The following SYNE1 variants were observed in gnomAD, a reference collection of about 807,000 sequenced individuals.
The protein encoded by SYNE1 is nesprin-1.
Under a neutral mutation model 1,111.0 loss-of-function variants are expected in SYNE1, and 616 were observed. The observed-to-expected ratio is 0.55, with a 90% CI of 0.52 to 0.59. The LOEUF (loss-of-function observed/expected upper bound fraction) is 0.59, where lower values mean the gene tolerates loss of function less well. Ranked by LOEUF, SYNE1 falls within the 20% of genes least tolerant of loss-of-function variation. The pLI is 0.00. For missense variants in SYNE1, 10,006 were observed against 10,417.0 expected, an observed-to-expected ratio of 0.96 and a Z score of 1.72; for synonymous variants, 3,855 against 3,825.8, an observed-to-expected ratio of 1.01 and a Z score of -0.28.
intron 56 of SYNE1, among the ~76,000 whole-genome samples, chr6:152,379,123 T>G (rs2097349111): frequency 6.6e-6 from 1 of 152,210 alleles, no homozygotes; most frequent in Admixed American, 6.5e-5. Context: ...AGTCAGTTAC[T>G]TATGAATGGG....
Position 152,189,394 on chromosome 6 carries a change from G to T in SYNE1, c.23159C>A (p.Ala7720Glu). 6.2e-7 allele frequency: 1 copy of T among 1,613,892 alleles called. No homozygotes were observed. ...EQMRCKELEN[A>E]VGSWTDDLTQ... ...CAAGTCATCTGTCCAGCTCCCAACT[G>T]CATTTTCTAATTCCTAAATAAAAAA... Residue 7720 changes from alanine (A) to glutamate (E), a missense_variant, in exon 128 of 146, where the codon GCA (alanine) becomes GAA (glutamate). By Grantham distance (107) the Ala-to-Glu change is moderately radical. Coordinates refer to ENST00000367255, the MANE Select transcript of SYNE1 (RefSeq NM_182961.4).
At chr6:152,600,874 C>G (rs147850477) in intron 3 of SYNE1, among the ~76,000 whole-genome samples, 1 of 152,142 alleles carries the variant, frequency 6.6e-6, no homozygotes, top group Non-Finnish European at 1.5e-5. Context: ...AAAACTCTTA[C>G]TTAAATGAAA....
intron 111 of SYNE1, 39 bp from the exon 112 acceptor site, chr6:152,234,002 C>G (rs1429653983): frequency 1.2e-6 from 2 of 1,603,528 alleles, no homozygotes; most frequent in South Asian, 1.1e-5. Context: ...GGTTAAATAG[C>G]TAGACCATTC....
At chr6:152,431,344 G>A (rs1479069094) in intron 34 of SYNE1, among the ~76,000 whole-genome samples, 1 of 152,174 alleles carries the variant, frequency 6.6e-6, no homozygotes, top group Admixed American at 6.6e-5. Flanking sequence ...ATCTCCAGCT[G>A]ATGCTGAGGC....
rs1030698096 is a variant in SYNE1 at position 152,369,510 on chromosome 6, A to G, written c.9612T>C (p.Tyr3204=). 1.2e-6 allele frequency: 2 copies of G among 1,614,184 alleles called. No individual in the cohort carries two copies. Among genetic ancestry groups the G allele is most frequent in the Admixed American group, 1.7e-5 (1 of 60,014 alleles). The change falls in exon 60 of 146, where the codon TAT becomes TAC. Residue 3204 remains tyrosine, a synonymous_variant. Transcript: ENST00000367255. ...GCTCCCTCCTCTTTGCTGGCAGATCATAGAGGCGATTGCTGCTTTCATGGA... is the reference window on the plus strand; with the variant it reads ...GCTCCCTCCTCTTTGCTGGCAGATCGTAGAGGCGATTGCTGCTTTCATGGA... The part of the protein sequence containing the change: ...KMVHESSNRL[Y]DLPAKRREQQ...
rs553706503 is a variant in SYNE1 at position 152,246,320 on chromosome 6, G to A, written c.19573-1664C>T. On this transcript the variant is annotated intron_variant, in intron 105 of 145. Transcript: ENST00000367255. ...AAGCTGGAGGAAAACAGATTATACA[G>A]GAAAAGTAGAACTTTAAACAACAAA... Among the ~76,000 whole-genome samples the A allele has an allele frequency of 9.9e-5, 15 of 151,428 alleles. No homozygotes were observed. The South Asian group carries it at 1.5e-3, about 15-fold the overall frequency.
intron 6 of SYNE1, among the ~76,000 whole-genome samples, chr6:152,519,047 C>G (rs1034425632): frequency 6.6e-6 from 1 of 151,736 alleles, no homozygotes; most frequent in African/African-American, 2.4e-5. Flanking sequence ...AAATGACAAG[C>G]TAATGGGTGC....
intron 3 of SYNE1, among the ~76,000 whole-genome samples, chr6:152,606,385 C>A (rs1328945668): frequency 1.3e-5 from 2 of 152,122 alleles, no homozygotes; most frequent in East Asian, 3.9e-4. Flanking sequence ...TCTTCAAGGG[C>A]AAAATTGTGG....
At chr6:152,361,539 G>C (rs974044221) in intron 64 of SYNE1, among the ~76,000 whole-genome samples, 10 of 152,144 alleles carry the variant, frequency 6.6e-5, no homozygotes, top group African/African-American at 2.2e-4. Context: ...AATATATTCA[G>C]GGTGAGGTGA....
chr6:152,358,366 G>A lies in SYNE1; in HGVS notation c.10608+7C>T. 2 of 1,614,054 alleles carry A rather than the reference G, an allele frequency of 1.2e-6. No homozygotes were observed. The highest frequency in any genetic ancestry group is 1.7e-6 in the Non-Finnish European group (2 of 1,179,990). ...ATTCCTTTGTTTTAGGATAAAGGAG[G>A]CCTTACCTGAAGATCACGCAATGTT... On this transcript the variant is annotated splice_region_variant and intron_variant, in intron 66 of 145. Coordinates refer to ENST00000367255, the MANE Select transcript of SYNE1 (RefSeq NM_182961.4).
intron 93 of SYNE1, among the ~76,000 whole-genome samples, chr6:152,294,471 G>GA (rs1055787493): frequency 1.3e-5 from 2 of 152,134 alleles, no homozygotes; most frequent in African/African-American, 4.8e-5. Context: ...CAAAAAAAGA[G>GA]AATCTTAATG....
chr6:152,273,331 T>C (rs1158159682), intron 98 of SYNE1, among the ~76,000 whole-genome samples: 1 of 152,208 alleles, frequency 6.6e-6, no homozygotes, highest in Non-Finnish European at 1.5e-5. Flanking sequence ...TTGGAAACAG[T>C]TGGTTATTGT....
intron 21 of SYNE1, 71 bp downstream of exon 21, chr6:152,461,526 A>G: frequency 6.3e-7 from 1 of 1,591,862 alleles, no homozygotes; most frequent in Non-Finnish European, 8.6e-7. Flanking sequence ...CATGGGGAGA[A>G]GGAGGTAGCA....
rs1428764598 is a variant in SYNE1, at chr6:152,151,976, T to C, written c.24295A>G (p.Ile8099Val). ...WDNLQKRVTS[I>V]LRRLKHFIGQ... ...GCAAAAACCTTGAGTCTGCGCAAGA[T>C]GGAGGTGACACGCTTTTGCAGGTTG... The change falls in exon 134 of 146, where the codon ATC becomes GTC. Residue 8099 changes from isoleucine to valine, a missense_variant. Coordinates refer to ENST00000367255, the MANE Select transcript of SYNE1 (RefSeq NM_182961.4). 3 of 1,614,224 alleles carry C rather than the reference T, an allele frequency of 1.9e-6. No homozygotes were observed. Among genetic ancestry groups the C allele is most frequent in the South Asian group, 1.1e-5 (1 of 91,080 alleles).
chr6:152,218,117 G>C, intron 121 of SYNE1, 140 bp downstream of exon 121: 4 of 980,312 alleles, frequency 4.1e-6, no homozygotes, highest in Non-Finnish European at 4.8e-6. Flanking sequence ...GCTTGAACCC[G>C]GAAAGCAGAG....
Position 152,284,046 on chromosome 6 carries a change from G to A in SYNE1, c.18139C>T (p.Leu6047Phe). 6.2e-7 allele frequency: 1 copy of A among 1,614,232 alleles called. No individual in the cohort carries two copies. Among genetic ancestry groups the A allele is most frequent in the East Asian group, 2.2e-5 (1 of 44,890 alleles). ...GACATTCGCTCGGCTAAGACAGTGA[G>A]CGTGGACTGCAAGGCCAGCTGCTCC... is the stretch of plus-strand genomic sequence containing the variant. ...PAEQLALQSTLTVLAERMSTI... is the reference protein window; with the variant it reads ...PAEQLALQSTFTVLAERMSTI... The change falls in exon 96 of 146, where the codon CTC becomes TTC. Residue 6047 changes from leucine to phenylalanine, a missense_variant. Physicochemically the swap from Leu to Phe is conservative, Grantham distance 22. This residue lies in a region of SYNE1 where 4,955 missense variants were observed against 5,017.2 expected (regional missense o/e 0.99). Coordinates refer to ENST00000367255, the MANE Select transcript of SYNE1 (RefSeq NM_182961.4).
chr6:152,271,824 G>A (rs1015608513), intron 98 of SYNE1, among the ~76,000 whole-genome samples: 1 of 152,220 alleles, frequency 6.6e-6, no homozygotes, highest in Non-Finnish European at 1.5e-5. Context: ...AGTGGCCCTG[G>A]CCATGACCTG....
chr6:152,253,825 T>TTTTTTTTG, intron 104 of SYNE1, among the ~76,000 whole-genome samples: 1 of 56,062 alleles, frequency 1.8e-5, no homozygotes, highest in Non-Finnish European at 3.0e-5. Flanking sequence ...TTGGTTTTTT[T>TTTTTTTTG]TTTTTTTTTT....
At position 152,233,907 on chromosome 6, in the gene SYNE1, A is replaced by G. The variant is rs2083373670; in HGVS notation, c.20586T>C (p.Thr6862=). 1.9e-6 allele frequency: 3 copies of G among 1,614,202 alleles called. No individual in the cohort carries two copies. Among genetic ancestry groups the G allele is most frequent in the Non-Finnish European group, 2.5e-6 (3 of 1,180,038 alleles). The change falls in exon 112 of 146, where the codon ACT becomes ACC. Residue 6862 remains threonine, a synonymous_variant. Transcript: ENST00000367255. ...TTTTTAGTCGAAGGAGCTGATTTCCAGTACTCAGAACAGATGATTTCAGGG... is the reference window on the plus strand; with the variant it reads ...TTTTTAGTCGAAGGAGCTGATTTCCGGTACTCAGAACAGATGATTTCAGGG... ...QSSLKSSVLS[T]GNQLLRLKKV... is the part of the protein sequence containing the mutation.
Sources: gnomAD v4.1 joint callset for allele counts (sites outside exome capture counted in the v4.1 genomes callset) on GRCh38, gnomAD v4.1.1 for gene constraint, gnomAD v4.1.1 regional missense constraint, MANE v1.5 for transcripts, NCBI Gene and HGNC (gene_info 2026-07-23, HGNC 2026-07-21) for gene names.